Variants in B3GALT1 observed in about 807,000 individuals in gnomAD.
B3GALT1 encodes UDP-Gal:betaGlcNAc beta 1,3-galactosyltransferase, polypeptide 1.
In B3GALT1, 10 loss-of-function variants were observed where a neutral mutation model predicts 23.2. The ratio of observed to expected loss-of-function variants is 0.43; its 90% CI spans 0.27 to 0.73. The LOEUF is 0.73. Ranked by LOEUF, B3GALT1 falls within the 30% of genes least tolerant of loss-of-function variation. The pLI is 0.21. For synonymous variants in B3GALT1, 156 were observed against 141.5 expected (o/e 1.10, Z -0.73); for missense variants, 299 against 405.4 (o/e 0.74, Z 2.25).
Position 167,352,589 on chromosome 2 carries a change from C to T in B3GALT1, c.-511+59255C>T, listed in dbSNP as rs1213495503. Among the ~76,000 whole-genome samples the T allele has an allele frequency of 1.7e-4, 25 of 149,166 alleles. 1 individual carries two copies. In the East Asian group the frequency reaches 2.6e-3, roughly 15 times the overall value. ...AAAAAAAAAATGCTGGGCGTGGTGGCGGGTGCCTGTAGTTCCAGCTACTCG... is the reference window on the plus strand; with the variant it reads ...AAAAAAAAAATGCTGGGCGTGGTGGTGGGTGCCTGTAGTTCCAGCTACTCG... On this transcript the variant is annotated intron_variant, in intron 1 of 4. Transcript: ENST00000392690.
At chr2:167,439,030 C>G (rs113527019) in intron 1 of B3GALT1, among the ~76,000 whole-genome samples, 1 of 152,176 alleles carries the variant, frequency 6.6e-6, no homozygotes, top group South Asian at 2.1e-4. Context: ...AGGCCTGGCT[C>G]CCACAGAATA....
intron 2 of B3GALT1, among the ~76,000 whole-genome samples, chr2:167,625,941 CCA>C (rs1491240334): frequency 6.0e-5 from 4 of 67,030 alleles, no homozygotes; most frequent in South Asian, 5.4e-4. Context: ...AATGACTAGG[CCA>C]TATATATATA....
rs150413001 is a variant in B3GALT1, at chr2:167,359,621, C to T, written c.-511+66287C>T. On this transcript the variant is annotated intron_variant, in intron 1 of 4. Coordinates refer to ENST00000392690, the MANE Select transcript of B3GALT1 (RefSeq NM_020981.4). ...TCAACAGGGCCTCCTCCTGGCTAAC[C>T]ATGACAATTTTAATCCAAGTTTGAA... 2.4e-3 allele frequency among the ~76,000 whole-genome samples: 364 copies of T among 152,282 alleles called. 1 individual carries two copies. Among genetic ancestry groups the T allele is most frequent in the Middle Eastern group, 0.017 (5 of 294 alleles).
intron 1 of B3GALT1, among the ~76,000 whole-genome samples, chr2:167,294,007 G>A (rs554136783): frequency 5.9e-5 from 9 of 152,354 alleles, no homozygotes; most frequent in Non-Finnish European, 1.3e-4. Flanking sequence ...CCGCGTGGGA[G>A]GCTTGCTACA....
chr2:167,488,303 TAC>T (rs1210136549), intron 1 of B3GALT1, among the ~76,000 whole-genome samples: 3 of 152,238 alleles, frequency 2.0e-5, no homozygotes, highest in Non-Finnish European at 4.4e-5. Context: ...CTCCCAATGC[TAC>T]AGTGATAATT....
chr2:167,441,611 A>G (rs149855725), intron 1 of B3GALT1, among the ~76,000 whole-genome samples: 179 of 152,338 alleles, frequency 1.2e-3, no homozygotes, highest in East Asian at 9.3e-3. Context: ...AACCATTACT[A>G]TACTGGGTTT....
At chr2:167,372,948 C>G (rs768810968) in intron 1 of B3GALT1, among the ~76,000 whole-genome samples, 1 of 151,962 alleles carries the variant, frequency 6.6e-6, no homozygotes, top group Non-Finnish European at 1.5e-5. Flanking sequence ...CCCTAAAAGA[C>G]TTTGTGGAAA....
intron 1 of B3GALT1, among the ~76,000 whole-genome samples, chr2:167,395,457 A>T (rs986162466): frequency 2.0e-5 from 3 of 152,150 alleles, no homozygotes; most frequent in Non-Finnish European, 4.4e-5. Context: ...TAAGCCAAGG[A>T]ATACAATGGC....
intron 3 of B3GALT1, among the ~76,000 whole-genome samples, chr2:167,774,726 G>A (rs1688132738): frequency 6.6e-6 from 1 of 151,986 alleles, no homozygotes; most frequent in Admixed American, 6.6e-5. Context: ...TCGAACTCCT[G>A]ACCTCATGAT....
intron 3 of B3GALT1, among the ~76,000 whole-genome samples, chr2:167,712,207 T>C (rs1687073312): frequency 6.6e-6 from 1 of 152,160 alleles, no homozygotes; most frequent in Non-Finnish European, 1.5e-5. Flanking sequence ...CAAGGATATA[T>C]GGTCCAGAAC....
chr2:167,562,181 TATAAAC>T (rs1684012726), intron 2 of B3GALT1, among the ~76,000 whole-genome samples: 1 of 152,120 alleles, frequency 6.6e-6, no homozygotes, highest in Admixed American at 6.5e-5. Context: ...TAATCCAACA[TATAAAC>T]AGAACCAAAG....
At chr2:167,666,805 A>G (rs1405742823) in intron 3 of B3GALT1, among the ~76,000 whole-genome samples, 4 of 152,080 alleles carry the variant, frequency 2.6e-5, no homozygotes, top group African/African-American at 9.7e-5. Context: ...TTTGCTTGGT[A>G]GATCTTCCTC....
chr2:167,578,358 T>C (rs1274232128), intron 2 of B3GALT1, among the ~76,000 whole-genome samples: 1 of 151,986 alleles, frequency 6.6e-6, no homozygotes, highest in African/African-American at 2.4e-5. Flanking sequence ...CAGTAGGTTG[T>C]GCTAAGGCTG....
At chr2:167,667,252 T>A (rs1686216110) in intron 3 of B3GALT1, among the ~76,000 whole-genome samples, 1 of 152,190 alleles carries the variant, frequency 6.6e-6, no homozygotes, top group Non-Finnish European at 1.5e-5. Context: ...TGAAAATTCT[T>A]TTCTTTAAGA....
chr2:167,369,254 T>C (rs1697642359), intron 1 of B3GALT1, among the ~76,000 whole-genome samples: 1 of 152,094 alleles, frequency 6.6e-6, no homozygotes, highest in African/African-American at 2.4e-5. Flanking sequence ...CAGAATAGGA[T>C]TGAAGCTGTT....
chr2:167,353,532 G>A (rs1697350887), intron 1 of B3GALT1, among the ~76,000 whole-genome samples: 1 of 151,840 alleles, frequency 6.6e-6, no homozygotes, highest in Admixed American at 6.6e-5. Context: ...TGCTGGGTAG[G>A]ATATTCTCTA....
chr2:167,783,488 G>C (rs1688283156), intron 3 of B3GALT1, among the ~76,000 whole-genome samples: 1 of 151,714 alleles, frequency 6.6e-6, no homozygotes, highest in African/African-American at 2.4e-5. Context: ...AGTAGAGTGG[G>C]AGTTATTTTT....
chr2:167,739,745 T>C (rs142164896), intron 3 of B3GALT1, among the ~76,000 whole-genome samples: 240 of 152,112 alleles, frequency 1.6e-3, no homozygotes, highest in African/African-American at 5.3e-3. Flanking sequence ...AATTAAGGAA[T>C]GAATGAATGA....
At position 167,491,814 on chromosome 2, in the gene B3GALT1, CA is replaced by C. The variant is rs1193719148; in HGVS notation, c.-410+1550del. 3.4e-3 allele frequency among the ~76,000 whole-genome samples: 451 copies of C among 132,958 alleles called. 1 individual carries two copies. Among genetic ancestry groups the C allele is most frequent in the African/African-American group, 7.5e-3 (273 of 36,286 alleles). The allele number at this position is 132,958 out of a possible 152,430, so 87.2% of individuals were successfully genotyped here. ...TGGGTGACAGAGCAAGACTCCATCT[CA>C]AAAAAAAAAAAAGTGATTTTATGTT... is the stretch of plus-strand genomic sequence containing the variant. On this transcript the variant is annotated intron_variant, in intron 2 of 4. Coordinates refer to ENST00000392690, the MANE Select transcript of B3GALT1 (RefSeq NM_020981.4).
Sources: gnomAD v4.1 joint callset for allele counts (sites outside exome capture counted in the v4.1 genomes callset) on GRCh38, gnomAD v4.1.1 for gene constraint, MANE v1.5 for transcripts, NCBI Gene and HGNC (gene_info 2026-07-23, HGNC 2026-07-21) for gene names.